Variants in ITPR2 observed in about 807,000 individuals in gnomAD.
ITPR2 encodes the protein inositol 1,4,5-trisphosphate-gated calcium channel ITPR2.
In ITPR2, 207 loss-of-function variants were observed where a neutral mutation model predicts 317.1. That is an observed-to-expected ratio of 0.65 (90% CI 0.58 to 0.73). The LOEUF (loss-of-function observed/expected upper bound fraction) is 0.73, where lower values mean the gene tolerates loss of function less well. Ranked by LOEUF, ITPR2 falls within the 30% of genes least tolerant of loss-of-function variation. ITPR2 has a pLI of 0.00. For missense variants in ITPR2, 2,613 were observed against 3,284.0 expected (o/e 0.80, Z 4.99); for synonymous variants, 1,156 against 1,149.1 (o/e 1.01, Z -0.12).
chr12:26,599,217 C>G lies in ITPR2; in HGVS notation c.3930G>C (p.Leu1310=). 6.2e-7 allele frequency: 1 copy of G among 1,614,096 alleles called. No individual in the cohort carries two copies. The highest frequency in any genetic ancestry group is 8.5e-7 in the Non-Finnish European group (1 of 1,179,974). ...CTTTTACAATTGTTTGCAAAAACCTCAGGTACTCCACGTGGCGGCCATGTG... is the reference window on the plus strand; with the variant it reads ...CTTTTACAATTGTTTGCAAAAACCTGAGGTACTCCACGTGGCGGCCATGTG... ...IETHGRHVEY[L]RFLQTIVKAD... The change falls in exon 30 of 57, where the codon CTG becomes CTC. Residue 1310 remains leucine, a synonymous_variant. Coordinates refer to ENST00000381340, the MANE Select transcript of ITPR2 (RefSeq NM_002223.4).
At chr12:26,686,719 T>A in intron 10 of ITPR2, 87 bp from the exon 11 acceptor site, 1 of 1,150,812 alleles carries the variant, frequency 8.7e-7, no homozygotes, top group Non-Finnish European at 1.2e-6. Flanking sequence ...TAAATGTGCA[T>A]GTTATTTCTT....
chr12:26,649,509 T>G (rs1300467256), intron 21 of ITPR2: 2 of 152,186 alleles, frequency 1.3e-5, no homozygotes, highest in Non-Finnish European at 2.9e-5. Context: ...GAATTGCATA[T>G]TGCATTTAGT....
chr12:26,484,799 C>T (rs1235587875), intron 41 of ITPR2, among the ~76,000 whole-genome samples: 1 of 152,136 alleles, frequency 6.6e-6, no homozygotes, highest in African/African-American at 2.4e-5. Context: ...GCAAGCTCCG[C>T]CTCCCGGGTT....
chr12:26,415,442 T>C lies in ITPR2; in HGVS notation c.7167A>G (p.Thr2389=), dbSNP rs1940691868. 6 of 1,611,280 alleles carry C rather than the reference T, an allele frequency of 3.7e-6. No individual in the cohort carries two copies. The highest frequency in any genetic ancestry group is 5.1e-6 in the Non-Finnish European group (6 of 1,178,404). The change falls in exon 51 of 57, where the codon ACA becomes ACG. Residue 2389 remains threonine (T), a synonymous_variant. Coordinates refer to ENST00000381340, the MANE Select transcript of ITPR2 (RefSeq NM_002223.4). The part of the protein sequence containing the change: ...ETLLNVIKSV[T]RNGRSIILTA... ...TTAGAATAATAGAGCGGCCATTTCG[T>C]GTGACACTTTTTATGACATTCAGCA... is the stretch of plus-strand genomic sequence containing the variant.
intron 1 of ITPR2, among the ~76,000 whole-genome samples, chr12:26,811,036 C>CAAAAAAAAAAAAAAAAAAAAAAA (rs79796097): frequency 9.2e-6 from 1 of 108,314 alleles, no homozygotes; most frequent in Non-Finnish European, 1.8e-5. Flanking sequence ...TTTTAAGTTA[C>CAAAAAAAAAAAAAAAAAAAAAAA]AAAAAAAAAA....
intron 5 of ITPR2, 85 bp from the exon 6 acceptor site, chr12:26,716,327 C>G (rs565673194): frequency 1.3e-6 from 1 of 781,390 alleles, no homozygotes; most frequent in Admixed American, 2.3e-5. Flanking sequence ...GCACAGGAGT[C>G]CCCATTATTG....
At chr12:26,764,986 ACC>A (rs2137133667) in intron 2 of ITPR2, among the ~76,000 whole-genome samples, 1 of 152,172 alleles carries the variant, frequency 6.6e-6, no homozygotes, top group South Asian at 2.1e-4. Flanking sequence ...CATTTGGGCT[ACC>A]CTAAAACTCA....
intron 46 of ITPR2, among the ~76,000 whole-genome samples, chr12:26,440,706 C>T (rs1283947936): frequency 2.0e-5 from 3 of 151,982 alleles, no homozygotes; most frequent in African/African-American, 7.3e-5. Context: ...TTTGATATGA[C>T]AGGCAACCAT....
chr12:26,367,349 G>T lies in ITPR2; in HGVS notation c.7857+20085C>A, dbSNP rs567402073. On this transcript the variant is annotated intron_variant, in intron 55 of 56. Coordinates refer to ENST00000381340, the MANE Select transcript of ITPR2 (RefSeq NM_002223.4). The stretch of plus-strand genomic sequence containing the variant: ...CAAGCATTTTGCACCTTGTCCCATT[G>T]ATGCAATTTGCCAACCTGATTGATT... 4.6e-5 allele frequency among the ~76,000 whole-genome samples: 7 copies of T among 152,208 alleles called. No individual in the cohort carries two copies. In the East Asian group the frequency reaches 1.4e-3, roughly 29 times the overall value.
intron 26 of ITPR2, among the ~76,000 whole-genome samples, chr12:26,618,735 T>A (rs1238026549): frequency 6.6e-6 from 1 of 152,224 alleles, no homozygotes; most frequent in Non-Finnish European, 1.5e-5. Context: ...AATTTTCTTT[T>A]AAAACACCAA....
chr12:26,390,753 C>T (rs1039698898), intron 54 of ITPR2, among the ~76,000 whole-genome samples: 2 of 151,996 alleles, frequency 1.3e-5, no homozygotes, highest in African/African-American at 2.4e-5. Flanking sequence ...AATTATATCT[C>T]AATAGAGCTA....
intron 2 of ITPR2, among the ~76,000 whole-genome samples, chr12:26,739,909 A>G (rs1426842322): frequency 6.6e-6 from 1 of 152,242 alleles, no homozygotes; most frequent in African/African-American, 2.4e-5. Flanking sequence ...GATAAACTTT[A>G]AAGACATAAT....
intron 2 of ITPR2, among the ~76,000 whole-genome samples, chr12:26,779,453 G>A (rs937356177): frequency 1.3e-5 from 2 of 152,188 alleles, no homozygotes; most frequent in Non-Finnish European, 2.9e-5. Flanking sequence ...AAATGTGACT[G>A]GGCTCTAGCA....
At chr12:26,797,647 G>A (rs1334876244) in intron 1 of ITPR2, among the ~76,000 whole-genome samples, 3 of 147,612 alleles carry the variant, frequency 2.0e-5, no homozygotes, top group South Asian at 4.4e-4. Flanking sequence ...AGGGGGTTAA[G>A]ATGGTGGATA....
intron 9 of ITPR2, among the ~76,000 whole-genome samples, chr12:26,704,053 A>C (rs773645975): frequency 5.3e-5 from 8 of 152,236 alleles, no homozygotes; most frequent in Non-Finnish European, 1.0e-4. Context: ...CATTATCCAG[A>C]ATCAAAGGCT....
intron 2 of ITPR2, among the ~76,000 whole-genome samples, chr12:26,769,115 G>A (rs1355053798): frequency 6.6e-6 from 1 of 151,960 alleles, no homozygotes; most frequent in African/African-American, 2.4e-5. Flanking sequence ...TCAGGCATAA[G>A]TCTCTCTTTG....
intron 55 of ITPR2, among the ~76,000 whole-genome samples, chr12:26,377,430 T>G (rs1028490579): frequency 2.0e-5 from 3 of 152,336 alleles, no homozygotes; most frequent in Admixed American, 6.5e-5. Flanking sequence ...AAAAAATGAT[T>G]CATTGTCCTG....
At chr12:26,746,116 G>A (rs1949318053) in intron 2 of ITPR2, among the ~76,000 whole-genome samples, 3 of 151,960 alleles carry the variant, frequency 2.0e-5, no homozygotes, top group Non-Finnish European at 4.4e-5. Flanking sequence ...AGGGGTTGGA[G>A]GCACAGAGTA....
chr12:26,548,828 A>C (rs992068488), intron 37 of ITPR2, among the ~76,000 whole-genome samples: 3 of 152,228 alleles, frequency 2.0e-5, no homozygotes, highest in Non-Finnish European at 2.9e-5. Context: ...GGGAATGGAA[A>C]GGAGAAAACA....
Sources: gnomAD v4.1 joint callset for allele counts (sites outside exome capture counted in the v4.1 genomes callset) on GRCh38, gnomAD v4.1.1 for gene constraint, MANE v1.5 for transcripts, NCBI Gene and HGNC (gene_info 2026-07-23, HGNC 2026-07-21) for gene names.